The following NYAP2 variants were observed in gnomAD, a reference collection of about 807,000 sequenced individuals.
NYAP2 encodes neuronal tyrosine-phosphorylated phosphoinositide-3-kinase adapter 2.
A neutral mutation model predicts 50.4 loss-of-function variants in NYAP2; 23 were observed. The observed-to-expected ratio is 0.46, with a 90% CI of 0.33 to 0.65. The LOEUF is 0.65. Among genes scored for constraint, NYAP2 ranks in the 30% least tolerant of loss-of-function variants. The pLI is 0.02. For synonymous variants in NYAP2, 394 were observed against 365.2 expected (o/e 1.08, Z -0.90); for missense variants, 885 against 861.0 (o/e 1.03, Z -0.35).
intron 4 of NYAP2, among the ~76,000 whole-genome samples, chr2:225,545,431 G>A (rs191391041): frequency 9.3e-4 from 141 of 151,796 alleles, no homozygotes; most frequent in African/African-American, 3.2e-3. Context: ...CTGTATTTGA[G>A]CTCACTAATT....
downstream of NYAP2, among the ~76,000 whole-genome samples, chr2:225,654,300 T>C (rs1693789331): frequency 6.6e-6 from 1 of 152,130 alleles, no homozygotes; most frequent in Non-Finnish European, 1.5e-5. Context: ...ACACCAAGAC[T>C]CCTGGTAGTT....
rs113961224 is a variant in NYAP2, at chr2:225,498,351, AT to A, written c.222-15010del. Among the ~76,000 whole-genome samples, 479 of 150,694 alleles carry A rather than the reference AT, an allele frequency of 3.2e-3. 2 individuals are homozygous for A. The highest frequency in any genetic ancestry group is 6.9e-3 in the Middle Eastern group (2 of 290). ...TGGTTTAGGCCCTGAATAACTTGAG[AT>A]TTTTTTTTTCCTCAAATAGAGATGT... On this transcript the variant is annotated intron_variant, in intron 3 of 6. Coordinates refer to ENST00000636099, the Ensembl canonical transcript of NYAP2.
chr2:225,654,895 TC>T (rs1463610594), downstream of NYAP2, among the ~76,000 whole-genome samples: 2 of 152,192 alleles, frequency 1.3e-5, no homozygotes, highest in Non-Finnish European at 2.9e-5. Flanking sequence ...GTTTTCTTGG[TC>T]CTAGTTTGTC....
At chr2:225,682,941 T>C in the NYAP2 span, among the ~76,000 whole-genome samples, 2 of 152,122 alleles carry the variant, frequency 1.3e-5, no homozygotes, top group Non-Finnish European at 2.9e-5. Flanking sequence ...CCATTGACAT[T>C]TCTAGGCAGA....
the NYAP2 span, among the ~76,000 whole-genome samples, chr2:225,661,507 A>G: frequency 6.6e-6 from 1 of 152,180 alleles, no homozygotes; most frequent in Non-Finnish European, 1.5e-5. Flanking sequence ...TGTATTATCT[A>G]ATGTTGTTCT....
At chr2:225,511,172 A>G (rs1690806719) in intron 3 of NYAP2, among the ~76,000 whole-genome samples, 1 of 152,162 alleles carries the variant, frequency 6.6e-6, no homozygotes, top group Admixed American at 6.5e-5. Context: ...TATGAGAAAG[A>G]TCAAAACCAC....
intron 3 of NYAP2, among the ~76,000 whole-genome samples, chr2:225,444,218 G>A (rs763123228): frequency 2.5e-4 from 38 of 151,836 alleles, no homozygotes; most frequent in Non-Finnish European, 4.1e-4. Context: ...CTTCATTATA[G>A]CATTGACATT....
chr2:225,575,529 C>A (rs1007364257), intron 4 of NYAP2, among the ~76,000 whole-genome samples: 2 of 152,202 alleles, frequency 1.3e-5, no homozygotes, highest in African/African-American at 4.8e-5. Flanking sequence ...ACTGGGACAG[C>A]TTTACTGAAG....
chr2:225,543,986 T>C (rs1462255368), intron 4 of NYAP2, among the ~76,000 whole-genome samples: 2 of 152,116 alleles, frequency 1.3e-5, no homozygotes, highest in Admixed American at 1.3e-4. Context: ...TCTTGCTAAA[T>C]TGACCCTTTC....
intron 5 of NYAP2, among the ~76,000 whole-genome samples, chr2:225,592,331 A>G (rs1574698252): frequency 6.6e-6 from 1 of 152,084 alleles, no homozygotes; most frequent in Admixed American, 6.5e-5. Context: ...TTAATCAAAA[A>G]CCCCAGCCAA....
At chr2:225,617,845 G>C (rs894477216) in intron 5 of NYAP2, among the ~76,000 whole-genome samples, 3 of 152,178 alleles carry the variant, frequency 2.0e-5, no homozygotes, top group East Asian at 3.9e-4. Flanking sequence ...GATGGGATTA[G>C]AGCCAGAAGC....
intron 4 of NYAP2, among the ~76,000 whole-genome samples, chr2:225,554,082 A>G (rs1691729594): frequency 6.6e-6 from 1 of 152,294 alleles, no homozygotes; most frequent in Admixed American, 6.5e-5. Flanking sequence ...GTTAACCCAT[A>G]ATGATTTGGT....
intron 5 of NYAP2, among the ~76,000 whole-genome samples, chr2:225,586,951 A>G (rs1019811458): frequency 2.0e-5 from 3 of 152,254 alleles, no homozygotes; most frequent in African/African-American, 7.2e-5. Flanking sequence ...GGGAGGCCTC[A>G]GAAAACTTAC....
intron 5 of NYAP2, among the ~76,000 whole-genome samples, chr2:225,583,832 C>T (rs1390731575): frequency 2.0e-5 from 3 of 152,220 alleles, no homozygotes; most frequent in South Asian, 2.1e-4. Flanking sequence ...CGAGGCCAGG[C>T]GATCAAGACC....
At chr2:225,527,303 C>T (rs1691169542) in intron 4 of NYAP2, among the ~76,000 whole-genome samples, 1 of 152,122 alleles carries the variant, frequency 6.6e-6, no homozygotes, top group East Asian at 1.9e-4. Context: ...TGTTTTATTG[C>T]TGTGTAACGA....
At chr2:225,416,254 G>T (rs1027678000) in intron 3 of NYAP2, among the ~76,000 whole-genome samples, 2 of 151,936 alleles carry the variant, frequency 1.3e-5, no homozygotes, top group African/African-American at 2.4e-5. Flanking sequence ...GAGTAATTTT[G>T]GTTAAAAAAT....
chr2:225,537,312 T>G (rs1009723181), intron 4 of NYAP2, among the ~76,000 whole-genome samples: 3 of 152,002 alleles, frequency 2.0e-5, no homozygotes, highest in Non-Finnish European at 4.4e-5. Flanking sequence ...GGTATCTCAC[T>G]TTTTTTTATG....
chr2:225,407,414 A>G (rs1694960330), intron 2 of NYAP2, among the ~76,000 whole-genome samples: 1 of 151,972 alleles, frequency 6.6e-6, no homozygotes, highest in South Asian at 2.1e-4. Flanking sequence ...TCAACAAACA[A>G]CCTTATCTAG....
intron 4 of NYAP2, among the ~76,000 whole-genome samples, chr2:225,539,148 A>T (rs114726301): frequency 0.011 from 1,682 of 152,206 alleles, 26 homozygotes; most frequent in African/African-American, 0.038. Context: ...TTCTAGCTTC[A>T]TCCACGTCCT....
Sources: allele counts gnomAD v4.1 joint callset (sites outside exome capture counted in the v4.1 genomes callset), GRCh38; gene constraint gnomAD v4.1.1; transcripts MANE v1.5; gene names NCBI Gene and HGNC (gene_info 2026-07-23, HGNC 2026-07-21).